OSBPL8: variants seen among roughly 807,000 people sequenced by gnomAD.
The protein encoded by OSBPL8 is oxysterol binding protein like 8, also known as oxysterol-binding protein-related protein 8.
Under a neutral mutation model 125.5 loss-of-function variants are expected in OSBPL8, and 59 were observed. The observed-to-expected ratio is 0.47, with a 90% CI of 0.38 to 0.58. The LOEUF (loss-of-function observed/expected upper bound fraction) is 0.58, where lower values mean the gene tolerates loss of function less well. Among genes scored for constraint, OSBPL8 ranks in the 20% least tolerant of loss-of-function variants. OSBPL8 has a pLI of 0.00. For missense variants in OSBPL8, 758 were observed against 1,047.8 expected (o/e 0.72, Z 3.82); for synonymous variants, 330 against 338.9 (o/e 0.97, Z 0.29).
At chr12:76,552,216 G>A (rs997189631) in intron 1 of OSBPL8, among the ~76,000 whole-genome samples, 1 of 151,904 alleles carries the variant, frequency 6.6e-6, no homozygotes, top group South Asian at 2.1e-4. Context: ...CTTGAACTCA[G>A]CAGTTAGAGA....
intron 2 of OSBPL8, among the ~76,000 whole-genome samples, chr12:76,465,538 C>A (rs548205959): frequency 6.6e-6 from 1 of 151,004 alleles, no homozygotes; most frequent in South Asian, 2.1e-4. Context: ...CCAGCCTGGG[C>A]GACAGAGCAA....
In OSBPL8 at chr12:76,520,294, T is replaced by G. The variant is rs1881946735; in HGVS notation, c.-67-32676A>C. Among the ~76,000 whole-genome samples the G allele has an allele frequency of 2.0e-5, 3 of 152,198 alleles. No individual in the cohort carries two copies. The South Asian group carries it at 6.2e-4, about 31-fold the overall frequency. On this transcript the variant is annotated intron_variant, in intron 1 of 23. Coordinates refer to ENST00000261183, the MANE Select transcript of OSBPL8 (RefSeq NM_020841.5). ...CATTTCTTCTCTAGTGCAGAGTTCTTTCTTCCTTGGCATGCAAAGTACTTC... is the reference window on the plus strand; with the variant it reads ...CATTTCTTCTCTAGTGCAGAGTTCTGTCTTCCTTGGCATGCAAAGTACTTC...
chr12:76,383,615 C>A (rs148862767), intron 15 of OSBPL8, among the ~76,000 whole-genome samples: 9 of 152,098 alleles, frequency 5.9e-5, no homozygotes, highest in Non-Finnish European at 8.8e-5. Flanking sequence ...TTTTTTCACT[C>A]AGGTTTAAAA....
At chr12:76,464,738 TAA>T (rs1875191297) in intron 2 of OSBPL8, among the ~76,000 whole-genome samples, 1 of 152,192 alleles carries the variant, frequency 6.6e-6, no homozygotes, top group African/African-American at 2.4e-5. Context: ...ACTTCCCTCT[TAA>T]TATACATCAC....
intron 4 of OSBPL8, among the ~76,000 whole-genome samples, chr12:76,433,586 C>G (rs1267196118): frequency 6.6e-6 from 1 of 152,000 alleles, no homozygotes; most frequent in Non-Finnish European, 1.5e-5. Flanking sequence ...TTTTGTGGAT[C>G]AGAAGAATTA....
chr12:76,480,213 G>A (rs1003834441), intron 2 of OSBPL8, among the ~76,000 whole-genome samples: 1 of 148,446 alleles, frequency 6.7e-6, no homozygotes, highest in African/African-American at 2.5e-5. Context: ...AACTAGGGAA[G>A]TGTAGGCACT....
intron 4 of OSBPL8, among the ~76,000 whole-genome samples, chr12:76,431,762 G>C (rs2140487): frequency 0.22 from 33,104 of 151,940 alleles, 3,821 homozygotes; most frequent in Non-Finnish European, 0.26. Context: ...CAAACATGGA[G>C]AGATATGAAG....
intron 1 of OSBPL8, among the ~76,000 whole-genome samples, chr12:76,529,805 T>C (rs998181767): frequency 6.6e-6 from 1 of 152,222 alleles, no homozygotes; most frequent in African/African-American, 2.4e-5. Flanking sequence ...GAAAAGCCTA[T>C]GCAAGGCAGG....
At chr12:76,493,863 G>A (rs763350855) in intron 1 of OSBPL8, among the ~76,000 whole-genome samples, 22 of 152,160 alleles carry the variant, frequency 1.4e-4, no homozygotes, top group Admixed American at 3.3e-4. Context: ...CCCTAAATCT[G>A]TAGGCTTTTC....
intron 2 of OSBPL8, among the ~76,000 whole-genome samples, chr12:76,482,809 T>G (rs1196268833): frequency 6.6e-6 from 1 of 152,220 alleles, no homozygotes; most frequent in Non-Finnish European, 1.5e-5. Flanking sequence ...AGACATATAT[T>G]AAAAAGTATT....
chr12:76,468,847 ATG>A (rs1875773551), intron 2 of OSBPL8, among the ~76,000 whole-genome samples: 1 of 152,236 alleles, frequency 6.6e-6, no homozygotes, highest in Non-Finnish European at 1.5e-5. Flanking sequence ...TGTATCTGTA[ATG>A]TCCAACAGGG....
chr12:76,356,162 T>TGGGGGGGTGGGATGGGGGGG (rs1951977503), intron 23 of OSBPL8, 141 bp from the exon 24 acceptor site: 1 of 131,834 alleles, frequency 7.6e-6, no homozygotes, highest in African/African-American at 3.4e-5. Context: ...TATGTAGGGG[T>TGGGGGGGTGGGATGGGGGGG]GGGGGGGGGC....
intron 4 of OSBPL8, among the ~76,000 whole-genome samples, chr12:76,429,336 T>C (rs1333668320): frequency 1.4e-5 from 2 of 144,840 alleles, no homozygotes; most frequent in African/African-American, 5.0e-5. Context: ...CTACTATGTG[T>C]TGGGAACTAT....
chr12:76,450,102 C>T (rs1172588246), intron 4 of OSBPL8, among the ~76,000 whole-genome samples: 7 of 152,076 alleles, frequency 4.6e-5, no homozygotes, highest in African/African-American at 1.7e-4. Flanking sequence ...TTGCAAAAAC[C>T]GCCAAAAAGC....
chr12:76,364,147 C>A (rs373810894), intron 21 of OSBPL8, among the ~76,000 whole-genome samples: 2 of 152,212 alleles, frequency 1.3e-5, no homozygotes, highest in East Asian at 3.9e-4. Context: ...GATCCCATTA[C>A]TGGGTATATA....
intron 4 of OSBPL8, among the ~76,000 whole-genome samples, chr12:76,447,774 T>C (rs1872887059): frequency 6.6e-6 from 1 of 152,194 alleles, no homozygotes; most frequent in Non-Finnish European, 1.5e-5. Context: ...CTCGAACTCC[T>C]GACCTCAGGT....
At chr12:76,364,746 G>A (rs1357801091) in intron 21 of OSBPL8, among the ~76,000 whole-genome samples, 1 of 152,138 alleles carries the variant, frequency 6.6e-6, no homozygotes, top group African/African-American at 2.4e-5. Context: ...TCTTACATAA[G>A]TACCACGTTC....
At position 76,386,239 on chromosome 12, in the gene OSBPL8, G is replaced by C; in HGVS notation, c.1462C>G (p.Leu488Val). The change falls in exon 14 of 24, where the codon CTT (leucine) becomes GTT (valine). Residue 488 changes from leucine to valine, a missense_variant. Transcript: ENST00000261183. ...KGLKKPYNPI[L>V]GETFRCLWIH... The stretch of plus-strand genomic sequence containing the variant: ...CATAAACAACGGAAAGTCTCGCCAA[G>C]TATAGGATTATAAGGTTTCTTCAGT... 2 of 1,601,620 alleles carry C rather than the reference G, an allele frequency of 1.2e-6. No homozygotes were observed. The highest frequency in any genetic ancestry group is 1.7e-6 in the Non-Finnish European group (2 of 1,175,120).
In OSBPL8 at chr12:76,353,758, AG is replaced by A. The variant is rs1951896607; in HGVS notation, c.*2130del. On this transcript the variant is annotated 3_prime_UTR_variant, in exon 24 of 24. Transcript: ENST00000261183. ...ACTATTAGATTAGATGCATGCTTTT[AG>A]TGTATAAAGAACAGTCATGAATAAC... 3 of 152,604 alleles carry A rather than the reference AG, an allele frequency of 2.0e-5. No individual in the cohort carries two copies. The South Asian group carries it at 6.2e-4, about 32-fold the overall frequency. 9.5% of individuals were successfully genotyped at this position (152,604 alleles called of 1,614,324 possible). A position where few individuals can be genotyped will look rare whatever the true frequency, so the allele number is the denominator to read the frequency against.
Sources: allele counts gnomAD v4.1 joint callset (sites outside exome capture counted in the v4.1 genomes callset), GRCh38; gene constraint gnomAD v4.1.1; transcripts MANE v1.5; gene names NCBI Gene and HGNC (gene_info 2026-07-23, HGNC 2026-07-21).